Variants in PLEKHA6 observed in about 807,000 individuals in gnomAD.
PLEKHA6 encodes the protein pleckstrin homology domain containing A6, also known as pleckstrin homology domain-containing family A member 6.
PLEKHA6 carries 60 observed loss-of-function variants against 116.7 expected under a neutral mutation model. That is an observed-to-expected ratio of 0.51 (90% CI 0.42 to 0.64). The LOEUF is 0.64. PLEKHA6 is among the 30% of genes least tolerant of loss of function. The pLI is 0.00. For missense variants in PLEKHA6, 1,338 were observed against 1,422.7 expected (o/e 0.94, Z 0.96); for synonymous variants, 489 against 556.1 (o/e 0.88, Z 1.70).
chr1:204,234,735 G>A (rs577770740), intron 17 of PLEKHA6, among the ~76,000 whole-genome samples: 4 of 151,876 alleles, frequency 2.6e-5, no homozygotes, highest in Admixed American at 2.6e-4. Context: ...CTAATCAGCT[G>A]CCAGTGAATA....
chr1:204,223,616 G>A lies in PLEKHA6; in HGVS notation c.3032-31C>T. On this transcript the variant is annotated intron_variant, in intron 21 of 22. Transcript: ENST00000272203. The surrounding 1 kb of genome is among the most constrained non-coding windows in gnomAD (Gnocchi z 4.8). ...AACAGAAATGAACAGGGAGGTGAAT[G>A]GGGGTGGGTGGGGGAGGAGGGTGGG... The A allele has an allele frequency of 1.6e-6, 1 of 643,232 alleles. No individual in the cohort carries two copies. Among genetic ancestry groups the A allele is most frequent in the South Asian group, 1.9e-5 (1 of 53,690 alleles). 39.8% of individuals were successfully genotyped at this position (643,232 alleles called of 1,614,324 possible). A position where few individuals can be genotyped will look rare whatever the true frequency, so the allele number is the denominator to read the frequency against.
intron 1 of PLEKHA6, among the ~76,000 whole-genome samples, chr1:204,331,199 C>CAAA (rs5780231): frequency 9.2e-5 from 7 of 75,798 alleles, no homozygotes; most frequent in African/African-American, 3.6e-4. Flanking sequence ...GACTCTGTCT[C>CAAA]AAAAAAAAAA....
chr1:204,346,737 G>A (rs1673068233), intron 1 of PLEKHA6: 10 of 811,046 alleles, frequency 1.2e-5, no homozygotes, highest in Middle Eastern at 2.8e-4. Flanking sequence ...AGAATTCAGC[G>A]ATATTTCTCC....
At chr1:204,255,749 T>A in intron 9 of PLEKHA6, 3 of 694,394 alleles carry the variant, frequency 4.3e-6, no homozygotes, top group Admixed American at 2.1e-5. Flanking sequence ...AAGAAAACAA[T>A]AAAAAAAGAA....
At chr1:204,264,807 C>A (rs1666572815) in intron 6 of PLEKHA6, 135 bp downstream of exon 6, 3 of 729,080 alleles carry the variant, frequency 4.1e-6, no homozygotes, top group Non-Finnish European at 5.0e-6. Context: ...CCTCCCCCAA[C>A]CCACCACCAC....
At position 204,238,894 on chromosome 1, in the gene PLEKHA6, TGCACTTTGCATG is replaced by T. The variant is rs1286072752; in HGVS notation, c.2409+2469_2409+2480del. ...GAACTTCAAGCAGTGCACCTGGCTG[TGCACTTTGCATG>T]GAAGGAGAAATGGCCAGATGTGCGA... On this transcript the variant is annotated intron_variant, in intron 17 of 22. Transcript: ENST00000272203. This position sits in a 1 kb window ranked among gnomAD's most constrained non-coding sequence, Gnocchi z 4.2. Among the ~76,000 whole-genome samples, 1 of 152,226 alleles carries T rather than the reference TGCACTTTGCATG, an allele frequency of 6.6e-6. No individual in the cohort carries two copies. Among genetic ancestry groups the T allele is most frequent in the East Asian group, 1.9e-4 (1 of 5,198 alleles).
chr1:204,377,700 C>A, upstream of PLEKHA6: 1 of 152,332 alleles, frequency 6.6e-6, no homozygotes, highest in East Asian at 1.9e-4. Context: ...GCTCTCTGCG[C>A]CCCCAGGCGC....
At chr1:204,327,542 T>C (rs899383752) in intron 1 of PLEKHA6, among the ~76,000 whole-genome samples, 1 of 152,234 alleles carries the variant, frequency 6.6e-6, no homozygotes, top group Non-Finnish European at 1.5e-5. Flanking sequence ...CGTCGTTGAT[T>C]GGCACCTTGC....
At chr1:204,271,903 T>TTTA (rs1553262050) in intron 3 of PLEKHA6, among the ~76,000 whole-genome samples, 7 of 152,198 alleles carry the variant, frequency 4.6e-5, no homozygotes, top group African/African-American at 4.8e-5. Context: ...TTTCTTTTTT[T>TTTA]TTATTATTAT....
At chr1:204,274,428 C>T (rs1016268702) in intron 2 of PLEKHA6, among the ~76,000 whole-genome samples, 1 of 152,174 alleles carries the variant, frequency 6.6e-6, no homozygotes, top group African/African-American at 2.4e-5. Context: ...CAGATTTTCT[C>T]AGCGCTTCCG....
chr1:204,233,557 G>A (rs1004205684), intron 17 of PLEKHA6, among the ~76,000 whole-genome samples: 1 of 151,714 alleles, frequency 6.6e-6, no homozygotes, highest in African/African-American at 2.4e-5. Context: ...CACCAGCCTC[G>A]GCCTCCCAAA....
chr1:204,303,695 C>G (rs1671025915), intron 1 of PLEKHA6, among the ~76,000 whole-genome samples: 2 of 152,056 alleles, frequency 1.3e-5, no homozygotes, highest in Non-Finnish European at 1.5e-5. Context: ...TACAAAAGCT[C>G]CAATCTATAT....
intron 10 of PLEKHA6, 132 bp from the exon 11 acceptor site, chr1:204,249,396 C>T: frequency 1.5e-6 from 1 of 665,768 alleles, no homozygotes; most frequent in Non-Finnish European, 2.7e-6. Flanking sequence ...AACCCTGGGC[C>T]TTCACCTTGC....
chr1:204,234,925 A>G (rs1197841761), intron 17 of PLEKHA6, among the ~76,000 whole-genome samples: 2 of 136,426 alleles, frequency 1.5e-5, no homozygotes, highest in Non-Finnish European at 3.1e-5. Flanking sequence ...CCTTGGGATC[A>G]TGTAAGTTAA....
intron 1 of PLEKHA6, among the ~76,000 whole-genome samples, chr1:204,330,224 C>T (rs1231627649): frequency 1.3e-5 from 2 of 152,180 alleles, no homozygotes; most frequent in Non-Finnish European, 2.9e-5. Flanking sequence ...GTCTGAAACT[C>T]CTGACCTCAG....
intron 17 of PLEKHA6, among the ~76,000 whole-genome samples, chr1:204,236,230 A>T (rs1048334909): frequency 1.3e-5 from 2 of 152,214 alleles, no homozygotes; most frequent in African/African-American, 4.8e-5. Context: ...GGAGTTAAAA[A>T]AGGTTCTAAT....
chr1:204,350,699 T>C (rs1298091103), intron 1 of PLEKHA6, among the ~76,000 whole-genome samples: 1 of 151,954 alleles, frequency 6.6e-6, no homozygotes, highest in African/African-American at 2.4e-5. Context: ...GTCTGGGAGA[T>C]GGGGGCGGGG....
intron 1 of PLEKHA6, among the ~76,000 whole-genome samples, chr1:204,347,890 G>T (rs1344142685): frequency 3.3e-5 from 5 of 152,144 alleles, no homozygotes. Flanking sequence ...ATTTCACAGT[G>T]TAAATCAGCT....
intron 1 of PLEKHA6, among the ~76,000 whole-genome samples, chr1:204,301,799 C>G (rs1266260532): frequency 6.6e-6 from 1 of 152,130 alleles, no homozygotes; most frequent in Non-Finnish European, 1.5e-5. Flanking sequence ...AATGGGAAAC[C>G]AGCCCTGGTC....
Sources: allele counts gnomAD v4.1 joint callset (sites outside exome capture counted in the v4.1 genomes callset), GRCh38; gene constraint gnomAD v4.1.1; non-coding constraint Gnocchi (gnomAD v3.1); transcripts MANE v1.5; gene names NCBI Gene and HGNC (gene_info 2026-07-23, HGNC 2026-07-21).